GRK4: variants seen among roughly 807,000 people sequenced by gnomAD.
The protein encoded by GRK4 is G protein-coupled receptor kinase 2-like.
A neutral mutation model predicts 77.9 loss-of-function variants in GRK4; 73 were observed. The observed-to-expected ratio is 0.94, with a 90% CI of 0.78 to 1.14. The LOEUF (loss-of-function observed/expected upper bound fraction) is 1.14. Among genes scored for constraint, GRK4 ranks in the 50% most tolerant of loss-of-function variants. The pLI, the probability that GRK4 is intolerant of heterozygous loss-of-function variation, is 0.00. For missense variants in GRK4, 729 were observed against 700.2 expected (o/e 1.04, Z -0.46); for synonymous variants, 257 against 254.4 (o/e 1.01, Z -0.10).
chr4:3,029,357 C>T lies in GRK4; in HGVS notation c.1217C>T (p.Thr406Ile). The change falls in exon 12 of 16, where the codon ACC becomes ATC. Residue 406 changes from threonine to isoleucine, a missense_variant. Physicochemically the swap from Thr to Ile is moderately conservative, Grantham distance 89 (BLOSUM62 -1). Coordinates refer to ENST00000398052, the MANE Select transcript of GRK4 (RefSeq NM_182982.3). Reference protein sequence around the residue: ...EEVDQRIKNDTEEYSEKFSED... With the variant: ...EEVDQRIKNDIEEYSEKFSED... The stretch of plus-strand genomic sequence containing the variant: ...GTCGATCAAAGAATCAAGAATGATA[C>T]CGAGGAGTATTCTGAGAAGTTTTCA... 1 of 1,614,122 alleles carries T rather than the reference C, an allele frequency of 6.2e-7. No homozygotes were observed. Among genetic ancestry groups the T allele is most frequent in the Non-Finnish European group, 8.5e-7 (1 of 1,179,998 alleles).
intron 9 of GRK4, among the ~76,000 whole-genome samples, chr4:3,020,303 G>A (rs1323010534): frequency 3.3e-5 from 5 of 152,142 alleles, no homozygotes; most frequent in Non-Finnish European, 7.3e-5. Context: ...ACCGTGCCCA[G>A]CCTAAATCTC....
At chr4:3,005,669 G>A (rs1437349266) in intron 5 of GRK4, among the ~76,000 whole-genome samples, 2 of 152,066 alleles carry the variant, frequency 1.3e-5, no homozygotes, top group East Asian at 1.9e-4. Flanking sequence ...CCAGGCCTGG[G>A]GGTGTGCGCC....
chr4:2,973,208 G>A (rs1172536437), intron 1 of GRK4, among the ~76,000 whole-genome samples: 1 of 152,224 alleles, frequency 6.6e-6, no homozygotes, highest in African/African-American at 2.4e-5. Context: ...TCTTCCGTGA[G>A]CGTGTTCTGC....
intron 8 of GRK4, among the ~76,000 whole-genome samples, chr4:3,015,912 ATTTT>A (rs60758953): frequency 7.2e-6 from 1 of 139,812 alleles, no homozygotes; most frequent in Non-Finnish European, 1.6e-5. Context: ...CCATCACCCT[ATTTT>A]TTTTTTTTTT....
chr4:3,023,612 T>C (rs914461485), intron 10 of GRK4, among the ~76,000 whole-genome samples: 1 of 152,198 alleles, frequency 6.6e-6, no homozygotes, highest in African/African-American at 2.4e-5. Flanking sequence ...TACCAAGATT[T>C]AGGAATCAGA....
intron 1 of GRK4, among the ~76,000 whole-genome samples, chr4:2,971,662 C>A (rs530349300): frequency 1.3e-5 from 2 of 152,174 alleles, no homozygotes; most frequent in Admixed American, 1.3e-4. Flanking sequence ...TGATGTCTCC[C>A]GCAACAGACA....
At chr4:2,973,582 G>C (rs948474011) in intron 1 of GRK4, among the ~76,000 whole-genome samples, 7 of 152,122 alleles carry the variant, frequency 4.6e-5, no homozygotes, top group Non-Finnish European at 8.8e-5. Flanking sequence ...AGCTGCACTT[G>C]ACTTACTCGC....
chr4:3,029,552 G>GC, intron 12 of GRK4, 143 bp downstream of exon 12: 1 of 674,390 alleles, frequency 1.5e-6, no homozygotes, highest in Non-Finnish European at 2.6e-6. Context: ...CCCTGCCCCT[G>GC]CAGCCCAGTA....
At chr4:3,027,107 A>G (rs1359801791) in intron 10 of GRK4, among the ~76,000 whole-genome samples, 1 of 152,172 alleles carries the variant, frequency 6.6e-6, no homozygotes, top group African/African-American at 2.4e-5. Flanking sequence ...TGGTGTGATC[A>G]TGGTTCACCG....
intron 8 of GRK4, among the ~76,000 whole-genome samples, chr4:3,016,034 G>T (rs908328975): frequency 6.6e-6 from 1 of 150,920 alleles, no homozygotes; most frequent in African/African-American, 2.4e-5. Flanking sequence ...TCAGCCTCCC[G>T]AGTAGCTGGT....
intron 4 of GRK4, among the ~76,000 whole-genome samples, chr4:2,996,072 T>A (rs1727773164): frequency 6.9e-6 from 1 of 145,638 alleles, no homozygotes; most frequent in Admixed American, 6.7e-5. Context: ...ATAAAAACCT[T>A]TTTTTTTTTT....
chr4:2,978,498 G>A (rs939670606), intron 1 of GRK4, among the ~76,000 whole-genome samples: 5 of 152,196 alleles, frequency 3.3e-5, no homozygotes, highest in African/African-American at 1.2e-4. Context: ...GCTTTTATTT[G>A]GCAGACAGGG....
intron 1 of GRK4, 113 bp downstream of exon 1, chr4:2,964,235 G>C: frequency 2.1e-6 from 2 of 932,352 alleles, no homozygotes; most frequent in Non-Finnish European, 3.3e-6. Context: ...TTTCCCTGGA[G>C]AGCCCCGACA....
At chr4:3,034,927 T>A (rs1210083770) in intron 12 of GRK4, among the ~76,000 whole-genome samples, 2 of 152,128 alleles carry the variant, frequency 1.3e-5, no homozygotes, top group Non-Finnish European at 2.9e-5. Flanking sequence ...ATGAGTAAAG[T>A]CTGAGTTCCT....
intron 8 of GRK4, among the ~76,000 whole-genome samples, chr4:3,014,623 G>A (rs991429863): frequency 1.3e-4 from 19 of 151,846 alleles, no homozygotes; most frequent in East Asian, 5.9e-4. Context: ...GTGAAATCCC[G>A]TCTCTACTAA....
At position 2,984,523 on chromosome 4, in the gene GRK4, C is replaced by CA. The variant is rs780241596; in HGVS notation, c.70dup (p.Ser24LysfsTer4). ...TTCTCCCAAATTCAGGAGGATATGG[C>CA]AAAAAAAGTGGTCGTAGTAAAAAAT... On this transcript the variant is annotated frameshift_variant, in exon 2 of 16. Transcript: ENST00000398052. LOFTEE classifies it high-confidence loss of function. 2.3e-4 allele frequency: 376 copies of CA among 1,608,776 alleles called. 2 individuals are homozygous for CA. Among genetic ancestry groups the CA allele is most frequent in the South Asian group, 9.7e-4 (88 of 90,558 alleles).
intron 10 of GRK4, among the ~76,000 whole-genome samples, chr4:3,022,694 C>G (rs933726025): frequency 6.6e-6 from 1 of 152,016 alleles, no homozygotes; most frequent in South Asian, 2.1e-4. Flanking sequence ...GTTTTAGAAG[C>G]CTTTTTTTTT....
intron 10 of GRK4, among the ~76,000 whole-genome samples, chr4:3,026,860 T>A (rs1326996077): frequency 6.6e-6 from 1 of 152,240 alleles, no homozygotes; most frequent in Non-Finnish European, 1.5e-5. Context: ...GTCGCATATT[T>A]TTAGTTTTTA....
At chr4:3,014,018 C>T (rs1389586840) in intron 8 of GRK4, among the ~76,000 whole-genome samples, 190 bp downstream of exon 8, 1 of 152,130 alleles carries the variant, frequency 6.6e-6, no homozygotes, top group African/African-American at 2.4e-5. Flanking sequence ...CTTATTCAAA[C>T]CTTAGAAAAC....
Sources: allele counts gnomAD v4.1 joint callset (sites outside exome capture counted in the v4.1 genomes callset), GRCh38; gene constraint gnomAD v4.1.1; transcripts MANE v1.5; gene names NCBI Gene and HGNC (gene_info 2026-07-23, HGNC 2026-07-21).